The following ANO2 variants were observed in gnomAD, a reference collection of about 807,000 sequenced individuals.
ANO2 encodes the protein anoctamin-2.
In ANO2, 101 loss-of-function variants were observed where a neutral mutation model predicts 124.2. That is an observed-to-expected ratio of 0.81 (90% CI 0.69 to 0.96). The LOEUF (loss-of-function observed/expected upper bound fraction) is 0.96. Among genes scored for constraint, ANO2 ranks in the 40% least tolerant of loss-of-function variants. The pLI is 0.00. For synonymous variants in ANO2, 486 were observed against 482.5 expected, an observed-to-expected ratio of 1.01 and a Z score of -0.09; for missense variants, 1,293 against 1,274.5, an observed-to-expected ratio of 1.01 and a Z score of -0.22.
chr12:5,815,070 C>T (rs1374141680), intron 7 of ANO2, among the ~76,000 whole-genome samples: 1 of 152,160 alleles, frequency 6.6e-6, no homozygotes, highest in Non-Finnish European at 1.5e-5. Flanking sequence ...TATCAGAGGC[C>T]TCTTATCTGG....
intron 9 of ANO2, among the ~76,000 whole-genome samples, chr12:5,805,273 G>A (rs757776449): frequency 6.6e-6 from 1 of 152,206 alleles, no homozygotes; most frequent in East Asian, 1.9e-4. Context: ...AGACAACAGA[G>A]TGGGGGAGGG....
chr12:5,730,220 T>A (rs922333126), intron 14 of ANO2, among the ~76,000 whole-genome samples: 5 of 149,184 alleles, frequency 3.4e-5, no homozygotes, highest in Non-Finnish European at 7.6e-5. Flanking sequence ...GCACTTTAAA[T>A]GGGTGAATTT....
At chr12:5,855,646 T>C (rs767801386) in intron 3 of ANO2, among the ~76,000 whole-genome samples, 20 of 152,256 alleles carry the variant, frequency 1.3e-4, no homozygotes, top group Admixed American at 2.6e-4. Flanking sequence ...GCGCCAGAAC[T>C]GAGTTAGGTG....
At chr12:5,935,847 A>G (rs1414952585) in intron 1 of ANO2, among the ~76,000 whole-genome samples, 1 of 152,226 alleles carries the variant, frequency 6.6e-6, no homozygotes, top group African/African-American at 2.4e-5. Flanking sequence ...GGGTGATTCT[A>G]TGGTACAACC....
chr12:5,590,555 T>C (rs1943345054), intron 20 of ANO2, among the ~76,000 whole-genome samples: 1 of 152,176 alleles, frequency 6.6e-6, no homozygotes, highest in Non-Finnish European at 1.5e-5. Context: ...CCCTGCCTTG[T>C]TTGAAGTCTC....
chr12:5,777,782 G>T (rs1478552006), intron 10 of ANO2, among the ~76,000 whole-genome samples: 2 of 152,196 alleles, frequency 1.3e-5, no homozygotes, highest in African/African-American at 4.8e-5. Context: ...CCAAATGGCA[G>T]CAGCACCCAG....
In ANO2 at chr12:5,565,630, CG is replaced by C; in HGVS notation, c.2654del (p.Pro885ArgfsTer22). On this transcript the variant is annotated frameshift_variant, in exon 24 of 25. Transcript: ENST00000682330. LOFTEE classifies it high-confidence loss of function. The part of the protein sequence containing the change: ...FKDYREPPWA[P>X]NPYEFSKQYW... ...ACTGTTTCGAAAACTCATAAGGGTT[CG>C]GGGCCCATGGCGGCTCTCGGTAATC... 6.2e-7 allele frequency: 1 copy of C among 1,604,668 alleles called. No homozygotes were observed. Among genetic ancestry groups the C allele is most frequent in the Non-Finnish European group, 8.5e-7 (1 of 1,175,472 alleles).
intron 3 of ANO2, among the ~76,000 whole-genome samples, chr12:5,882,930 T>C (rs1938603152): frequency 6.6e-6 from 1 of 152,060 alleles, no homozygotes; most frequent in African/African-American, 2.4e-5. Context: ...ATTATGAGGA[T>C]GAGGTTAAGA....
intron 3 of ANO2, among the ~76,000 whole-genome samples, chr12:5,887,897 G>A (rs919614099): frequency 7.9e-5 from 12 of 151,892 alleles, no homozygotes; most frequent in East Asian, 5.8e-4. Flanking sequence ...ACCTTTGGTG[G>A]TGCACAGGGA....
chr12:5,921,042 C>T lies in ANO2; in HGVS notation c.532G>A (p.Glu178Lys). 4 of 1,605,858 alleles carry T rather than the reference C, an allele frequency of 2.5e-6. No individual in the cohort carries two copies. Among genetic ancestry groups the T allele is most frequent in the Non-Finnish European group, 3.4e-6 (4 of 1,173,456 alleles). ...CCCTGGCCACCCGCCTGACTCACCT[C>T]CAAGTCCTTCTCAAGCTCCAGTCCA... ...EAGLELEKDL[E>K]NKSQGSIFVR... The change falls in exon 3 of 25, where the codon GAG (glutamate) becomes AAG (lysine). Residue 178 changes from glutamate to lysine, a missense_variant and splice_region_variant. Glu to Lys is a moderately conservative substitution (Grantham distance 56). Coordinates refer to ENST00000682330, the MANE Select transcript of ANO2 (RefSeq NM_001364791.2).
intron 20 of ANO2, chr12:5,583,933 T>C: frequency 4.4e-6 from 1 of 224,980 alleles, no homozygotes; most frequent in Non-Finnish European, 9.8e-6. Context: ...GCCAGCTTCC[T>C]GCACAGCTTC....
intron 14 of ANO2, among the ~76,000 whole-genome samples, chr12:5,701,690 C>T (rs1160492836): frequency 6.6e-6 from 1 of 152,168 alleles, no homozygotes; most frequent in Non-Finnish European, 1.5e-5. Context: ...GCTTTCTCAC[C>T]ACTCCTTAGC....
chr12:5,628,248 G>A (rs1001879931), intron 16 of ANO2, among the ~76,000 whole-genome samples: 1 of 152,210 alleles, frequency 6.6e-6, no homozygotes, highest in Non-Finnish European at 1.5e-5. Flanking sequence ...TGCACTCACA[G>A]CTTGCCTCCC....
At chr12:5,675,702 T>A (rs752353551) in intron 14 of ANO2, among the ~76,000 whole-genome samples, 2 of 152,196 alleles carry the variant, frequency 1.3e-5, no homozygotes, top group African/African-American at 4.8e-5. Context: ...ACAGGAGATG[T>A]GCTTCCAAGA....
At chr12:5,942,605 G>A (rs1306693542) in intron 1 of ANO2, among the ~76,000 whole-genome samples, 1 of 152,068 alleles carries the variant, frequency 6.6e-6, no homozygotes, top group Non-Finnish European at 1.5e-5. Flanking sequence ...TGATCCCTCT[G>A]CTGCAGCCCT....
At chr12:5,625,236 A>G (rs1945337880) in intron 16 of ANO2, among the ~76,000 whole-genome samples, 1 of 152,176 alleles carries the variant, frequency 6.6e-6, no homozygotes, top group African/African-American at 2.4e-5. Flanking sequence ...GCAGACAGAC[A>G]AATTGTGAGT....
At chr12:5,681,039 T>C (rs1214875251) in intron 14 of ANO2, among the ~76,000 whole-genome samples, 6 of 152,174 alleles carry the variant, frequency 3.9e-5, no homozygotes. Flanking sequence ...TTCCAGGCCC[T>C]GGTAATAGCA....
At chr12:5,660,325 T>C (rs1337273603) in intron 14 of ANO2, among the ~76,000 whole-genome samples, 2 of 150,628 alleles carry the variant, frequency 1.3e-5, no homozygotes, top group Admixed American at 6.7e-5. Context: ...TGGCCTCCAA[T>C]GCTTACCATG....
chr12:5,712,023 T>C (rs1342257823), intron 14 of ANO2, among the ~76,000 whole-genome samples: 1 of 152,202 alleles, frequency 6.6e-6, no homozygotes, highest in Non-Finnish European at 1.5e-5. Context: ...ATTTCTTACA[T>C]TTAACCAAAA....
Sources: allele counts gnomAD v4.1 joint callset (sites outside exome capture counted in the v4.1 genomes callset), GRCh38; gene constraint gnomAD v4.1.1; transcripts MANE v1.5; gene names NCBI Gene and HGNC (gene_info 2026-07-23, HGNC 2026-07-21).